The following SHTN1 variants were observed in gnomAD, a reference collection of about 807,000 sequenced individuals.
SHTN1 encodes shootin 1.
Under a neutral mutation model 83.1 loss-of-function variants are expected in SHTN1, and 42 were observed. The observed-to-expected ratio is 0.51, with a 90% CI of 0.39 to 0.65. The LOEUF (loss-of-function observed/expected upper bound fraction) is 0.65. Among genes scored for constraint, SHTN1 ranks in the 30% least tolerant of loss-of-function variants. The pLI, the probability that SHTN1 is intolerant of heterozygous loss-of-function variation, is 0.00. For missense variants in SHTN1, 622 were observed against 737.8 expected (o/e 0.84, Z 1.82); for synonymous variants, 224 against 247.7 (o/e 0.90, Z 0.90).
intron 14 of SHTN1, among the ~76,000 whole-genome samples, chr10:116,910,900 T>G (rs78794416): frequency 9.7e-4 from 148 of 152,334 alleles, no homozygotes; most frequent in Middle Eastern, 3.4e-3. Context: ...GCAAACTAAT[T>G]AAGCCATTCT....
At chr10:116,986,597 C>G (rs950038457) in intron 1 of SHTN1, among the ~76,000 whole-genome samples, 12 of 151,966 alleles carry the variant, frequency 7.9e-5, no homozygotes, top group African/African-American at 2.9e-4. Context: ...AAAGTAGCCA[C>G]TGTTGACAGA....
At position 116,952,704 on chromosome 10, in the gene SHTN1, A is replaced by G. The variant is rs562061924; in HGVS notation, c.437-698T>C. ...GTCACTCAAATGTTTGAAAATACAC[A>G]TAGATTAGCACAGACTACTCAAATT... On this transcript the variant is annotated intron_variant, in intron 5 of 16. Coordinates refer to ENST00000355371, the MANE Select transcript of SHTN1 (RefSeq NM_001127211.3). Among the ~76,000 whole-genome samples the G allele has an allele frequency of 2.6e-5, 4 of 152,340 alleles. No homozygotes were observed. In the South Asian group the frequency reaches 8.3e-4, roughly 32 times the overall value.
At chr10:116,954,281 CAAATT>C in intron 4 of SHTN1, 71 bp from the exon 5 acceptor site, 4 of 989,268 alleles carry the variant, frequency 4.0e-6, no homozygotes, top group Non-Finnish European at 5.9e-6. Context: ...AAACAATAGA[CAAATT>C]AAGTATATTT....
intron 9 of SHTN1, among the ~76,000 whole-genome samples, chr10:116,935,944 T>G (rs1434084133): frequency 6.6e-6 from 1 of 152,206 alleles, no homozygotes; most frequent in African/African-American, 2.4e-5. Context: ...ATTTTCTAGT[T>G]TATTTGTGTA....
intron 1 of SHTN1, among the ~76,000 whole-genome samples, chr10:117,108,696 T>G (rs570539583): frequency 2.0e-5 from 3 of 151,454 alleles, no homozygotes; most frequent in African/African-American, 7.3e-5. Flanking sequence ...CCCTAGAACT[T>G]AAAGTATAAT....
At chr10:117,064,023 A>T (rs1396573862) in intron 1 of SHTN1, among the ~76,000 whole-genome samples, 2 of 152,232 alleles carry the variant, frequency 1.3e-5, no homozygotes, top group African/African-American at 4.8e-5. Flanking sequence ...TTTAAACTGA[A>T]TAACTTTATG....
rs35364697 is a variant in SHTN1, at chr10:116,993,017, C to CTTTTTTTTTT, written c.58+11995_58+12004dup. Among the ~76,000 whole-genome samples, 497 of 121,014 alleles carry CTTTTTTTTTT rather than the reference C, an allele frequency of 4.1e-3. 1 individual carries two copies. The highest frequency in any genetic ancestry group is 5.5e-3 in the Non-Finnish European group (340 of 62,188). The allele number at this position is 121,014 out of a possible 152,430, so 79.4% of individuals were successfully genotyped here. A position where few individuals can be genotyped will look rare whatever the true frequency, so the allele number is the denominator to read the frequency against. On this transcript the variant is annotated intron_variant, in intron 1 of 16. Coordinates refer to ENST00000355371, the MANE Select transcript of SHTN1 (RefSeq NM_001127211.3). ...ATGTTTTCTTTTCTTTCTTTTTTTTCTTTTTTTTTTTTTTTTGAGATGGAG... is the reference window on the plus strand; with the variant it reads ...ATGTTTTCTTTTCTTTCTTTTTTTTCTTTTTTTTTTTTTTTTTTTTTTTTTTGAGATGGAG...
exon 1 of SHTN1, chr10:117,126,429 C>T (rs1270687590): frequency 4.6e-6 from 1 of 217,446 alleles, no homozygotes; most frequent in Non-Finnish European, 9.5e-6. Context: ...AGCCCTGCCT[C>T]CTTTCTAGCC....
chr10:117,022,928 A>G (rs1852284245), intron 2 of SHTN1, among the ~76,000 whole-genome samples: 1 of 152,166 alleles, frequency 6.6e-6, no homozygotes, highest in African/African-American at 2.4e-5. Flanking sequence ...AAATAAACAA[A>G]TAAATAAATG....
chr10:116,901,508 T>C, intron 16 of SHTN1: 1 of 985,290 alleles, frequency 1.0e-6, no homozygotes. Context: ...AGATCAATTA[T>C]TTGTGTAGAA....
intron 2 of SHTN1, among the ~76,000 whole-genome samples, chr10:116,973,604 C>A (rs1444234432): frequency 6.6e-6 from 1 of 152,112 alleles, no homozygotes; most frequent in Non-Finnish European, 1.5e-5. Context: ...TTATGATCTA[C>A]CACAAAAGAT....
chr10:116,910,479 T>C (rs1848147917), intron 14 of SHTN1, among the ~76,000 whole-genome samples: 1 of 152,224 alleles, frequency 6.6e-6, no homozygotes, highest in Non-Finnish European at 1.5e-5. Flanking sequence ...AGAGTAATGC[T>C]GTAATTCAGT....
chr10:116,981,132 A>C (rs1851003250), intron 1 of SHTN1, among the ~76,000 whole-genome samples: 1 of 152,144 alleles, frequency 6.6e-6, no homozygotes, highest in African/African-American at 2.4e-5. Context: ...CAGCCTGGCC[A>C]ACACAGCAAA....
intron 2 of SHTN1, among the ~76,000 whole-genome samples, chr10:117,047,766 A>G (rs571533690): frequency 6.6e-6 from 1 of 151,334 alleles, no homozygotes; most frequent in East Asian, 1.9e-4. Context: ...ACCAAAAAAA[A>G]AAAAAAGTCT....
intron 3 of SHTN1, 89 bp downstream of exon 3, chr10:116,968,563 C>T: frequency 1.1e-6 from 1 of 877,924 alleles, no homozygotes; most frequent in Non-Finnish European, 1.8e-6. Flanking sequence ...ATGACCAGGA[C>T]ATTAGCAACT....
At chr10:117,019,938 T>C (rs1294065267) in intron 2 of SHTN1, among the ~76,000 whole-genome samples, 1 of 152,126 alleles carries the variant, frequency 6.6e-6, no homozygotes, top group Non-Finnish European at 1.5e-5. Flanking sequence ...ATGGTATGGA[T>C]TGGAAGACTT....
intron 2 of SHTN1, among the ~76,000 whole-genome samples, chr10:117,020,887 T>C (rs1852250689): frequency 6.6e-6 from 1 of 152,048 alleles, no homozygotes; most frequent in Admixed American, 6.6e-5. Context: ...TGGAAAATAT[T>C]TGCAAGACAT....
intron 2 of SHTN1, among the ~76,000 whole-genome samples, chr10:117,027,145 C>G (rs879546454): frequency 6.6e-6 from 1 of 152,138 alleles, no homozygotes; most frequent in Admixed American, 6.6e-5. Context: ...TAGTTTGGAT[C>G]TGAATCCCCA....
At chr10:117,022,591 C>T (rs1408116816) in intron 2 of SHTN1, among the ~76,000 whole-genome samples, 1 of 152,076 alleles carries the variant, frequency 6.6e-6, no homozygotes, top group Non-Finnish European at 1.5e-5. Context: ...CTAGACACTT[C>T]GTATTCAGTG....
Sources: gnomAD v4.1 joint callset for allele counts (sites outside exome capture counted in the v4.1 genomes callset) on GRCh38, gnomAD v4.1.1 for gene constraint, MANE v1.5 for transcripts, NCBI Gene and HGNC (gene_info 2026-07-23, HGNC 2026-07-21) for gene names.